TP53BP1: variants seen among roughly 807,000 people sequenced by gnomAD.
TP53BP1 encodes the protein tumor protein p53 binding protein 1, also known as TP53-binding protein 1.
In TP53BP1, 61 loss-of-function variants were observed where a neutral mutation model predicts 200.8. That is an observed-to-expected ratio of 0.30 (90% CI 0.25 to 0.38). The LOEUF is 0.38. Among genes scored for constraint, TP53BP1 ranks in the 10% least tolerant of loss-of-function variants. The probability of loss-of-function intolerance (pLI) is 1.00; values close to 1 mark genes in which losing one functional copy is unlikely to be tolerated. For synonymous variants in TP53BP1, 822 were observed against 844.3 expected (o/e 0.97, Z 0.46); for missense variants, 2,144 against 2,371.9 (o/e 0.90, Z 2.00).
intron 26 of TP53BP1, 108 bp from the exon 27 acceptor site, chr15:43,408,196 C>T: frequency 2.6e-6 from 3 of 1,143,632 alleles, no homozygotes; most frequent in East Asian, 2.5e-5. Context: ...ATAAATGCCC[C>T]ATCAGACATA....
chr15:43,491,886 AC>A, intron 3 of TP53BP1, 115 bp downstream of exon 3: 1 of 1,075,412 alleles, frequency 9.3e-7, no homozygotes, highest in Non-Finnish European at 1.4e-6. Flanking sequence ...CTACGCAGAT[AC>A]CACAGTAGGC....
chr15:43,428,407 T>C (rs1380292045), intron 17 of TP53BP1, among the ~76,000 whole-genome samples: 1 of 152,204 alleles, frequency 6.6e-6, no homozygotes, highest in East Asian at 1.9e-4. Context: ...CTTGTCTAAA[T>C]CAAAATCATT....
chr15:43,496,288 CT>C (rs1475395731), upstream of TP53BP1, among the ~76,000 whole-genome samples: 1 of 152,184 alleles, frequency 6.6e-6, no homozygotes, highest in African/African-American at 2.4e-5. Flanking sequence ...CTCATATTGT[CT>C]TTAACTGCTA....
In TP53BP1 at chr15:43,405,432, ATC is replaced by A; in HGVS notation, c.*1949_*1950del. On this transcript the variant is annotated 3_prime_UTR_variant, in exon 28 of 28. Coordinates refer to ENST00000382044, the MANE Select transcript of TP53BP1 (RefSeq NM_001141980.3). ...TCTCCCATCAAGGAGAACATGTGGC[ATC>A]TCTGATCCTTTACATTGAGAACATT... is the stretch of plus-strand genomic sequence containing the variant. 1 of 600,796 alleles carries A rather than the reference ATC, an allele frequency of 1.7e-6. No homozygotes were observed. The highest frequency in any genetic ancestry group is 3.0e-6 in the Non-Finnish European group (1 of 337,636). The allele number at this position is 600,796 out of a possible 1,614,324, so 37.2% of individuals were successfully genotyped here.
chr15:43,491,481 T>G (rs991917420), intron 4 of TP53BP1, among the ~76,000 whole-genome samples, 188 bp downstream of exon 4: 9 of 152,194 alleles, frequency 5.9e-5, no homozygotes, highest in African/African-American at 2.2e-4. Context: ...GTATAAAAAT[T>G]ATTACCTTCA....
upstream of TP53BP1, among the ~76,000 whole-genome samples, chr15:43,495,495 T>TCACACACACACA (rs376410840): frequency 0.011 from 1,433 of 133,374 alleles, 12 homozygotes; most frequent in Middle Eastern, 0.017. Flanking sequence ...TGAGACTCCG[T>TCACACACACACA]CACACACACA....
chr15:43,477,992 T>C (rs1373469943), intron 7 of TP53BP1, among the ~76,000 whole-genome samples: 2 of 152,232 alleles, frequency 1.3e-5, no homozygotes. Flanking sequence ...TCTTCAACTC[T>C]GCTCAATACT....
intron 16 of TP53BP1, among the ~76,000 whole-genome samples, chr15:43,433,596 T>G (rs2045720868): frequency 6.6e-6 from 1 of 152,226 alleles, no homozygotes; most frequent in African/African-American, 2.4e-5. Context: ...CTGAATCAAT[T>G]AATTGCAAAA....
At chr15:43,480,787 A>G (rs2140124715) in intron 5 of TP53BP1, 108 bp downstream of exon 5, 1 of 1,235,366 alleles carries the variant, frequency 8.1e-7, no homozygotes, top group Non-Finnish European at 1.1e-6. Flanking sequence ...TCTCAATTTA[A>G]TTATGAGAAA....
At chr15:43,451,417 G>A (rs1192706019) in intron 12 of TP53BP1, among the ~76,000 whole-genome samples, 1 of 147,940 alleles carries the variant, frequency 6.8e-6, no homozygotes, top group Non-Finnish European at 1.5e-5. Context: ...TCCCATCTAT[G>A]AGTGAGAACA....
At chr15:43,466,302 G>A (rs557969316) in intron 11 of TP53BP1, among the ~76,000 whole-genome samples, 1 of 152,308 alleles carries the variant, frequency 6.6e-6, no homozygotes, top group Non-Finnish European at 1.5e-5. Context: ...AGATGAAACA[G>A]AAAGTCTAAG....
In TP53BP1 at chr15:43,406,036, G is replaced by C. The variant is rs1250099508; in HGVS notation, c.*1347C>G. The C allele has an allele frequency of 1.4e-5, 1 of 72,560 alleles. No homozygotes were observed. The highest frequency in any genetic ancestry group is 9.4e-5 in the African/African-American group (1 of 10,602). 4.5% of individuals were successfully genotyped at this position (72,560 alleles called of 1,614,324 possible). A position where few individuals can be genotyped will look rare whatever the true frequency, so the allele number is the denominator to read the frequency against. On this transcript the variant is annotated 3_prime_UTR_variant, in exon 28 of 28. Transcript: ENST00000382044. ...GCCCGGGCAACAAGAGCGAAATTCC[G>C]TCTCAAAAAAAAAAAAAAAAAAAAA...
At position 43,456,128 on chromosome 15, in the gene TP53BP1, T is replaced by C. The variant is rs754159775; in HGVS notation, c.2480A>G (p.Glu827Gly). The change falls in exon 12 of 28, where the codon GAA (glutamate) becomes GGA (glycine). Residue 827 changes from glutamate (E) to glycine (G), a missense_variant. Coordinates refer to ENST00000382044, the MANE Select transcript of TP53BP1 (RefSeq NM_001141980.3). ...YEGDLKSGTA[E>G]TEPVEQDSSQ... ...AGAATCTTGCTCTACAGGTTCTGTT[T>C]CTGCAGTCCCTGATTTCAGATCTCC... 4.3e-6 allele frequency: 7 copies of C among 1,614,228 alleles called. No individual in the cohort carries two copies. In the South Asian group the frequency reaches 7.7e-5, roughly 18 times the overall value.
rs202077092 is a variant in TP53BP1 at position 43,421,934 on chromosome 15, G to A, written c.4021C>T (p.Pro1341Ser). 235 of 1,614,056 alleles carry A rather than the reference G, an allele frequency of 1.5e-4. No homozygotes were observed. The highest frequency in any genetic ancestry group is 1.3e-5 in the Non-Finnish European group (15 of 1,180,036). Reference protein sequence around the residue: ...SSGSSGKGAGPLRGKTSGTEP... With the variant: ...SSGSSGKGAGSLRGKTSGTEP... ...GTCCCGCTGGTTTTCCCTCTGAGTG[G>A]TCCGGCTCCTTTCCCTGAGCTTCCA... Residue 1341 changes from proline to serine, a missense_variant, in exon 19 of 28, where the codon CCA becomes TCA. By Grantham distance (74) the Pro-to-Ser change is moderately conservative. Coordinates refer to ENST00000382044, the MANE Select transcript of TP53BP1 (RefSeq NM_001141980.3).
chr15:43,415,138 C>A (rs1051618567), intron 23 of TP53BP1: 3 of 209,980 alleles, frequency 1.4e-5, no homozygotes, highest in Admixed American at 1.1e-4. Flanking sequence ...CATTTCAATA[C>A]TTCTCCTTTC....
chr15:43,461,827 C>T (rs144707647), intron 11 of TP53BP1, among the ~76,000 whole-genome samples: 28 of 151,722 alleles, frequency 1.8e-4, no homozygotes, highest in African/African-American at 6.8e-4. Flanking sequence ...CGCCACCACA[C>T]CCGGCTAATT....
At chr15:43,460,352 T>C (rs1248651218) in intron 11 of TP53BP1, among the ~76,000 whole-genome samples, 1 of 152,002 alleles carries the variant, frequency 6.6e-6, no homozygotes, top group African/African-American at 2.4e-5. Context: ...CCTTAATGTC[T>C]TGGACTCAAC....
upstream of TP53BP1, among the ~76,000 whole-genome samples, chr15:43,498,012 T>A (rs548486167): frequency 6.6e-6 from 1 of 152,168 alleles, no homozygotes; most frequent in Admixed American, 6.6e-5. Flanking sequence ...TATGGTTAAT[T>A]GTATAGGTAA....
At chr15:43,467,812 GC>G (rs1307714259) in intron 11 of TP53BP1, among the ~76,000 whole-genome samples, 1 of 150,616 alleles carries the variant, frequency 6.6e-6, no homozygotes, top group Non-Finnish European at 1.5e-5. Context: ...TTAAGACAGG[GC>G]CTCACTGTTG....
Sources: allele counts gnomAD v4.1 joint callset (sites outside exome capture counted in the v4.1 genomes callset), GRCh38; gene constraint gnomAD v4.1.1; transcripts MANE v1.5; gene names NCBI Gene and HGNC (gene_info 2026-07-23, HGNC 2026-07-21).